The following PIGF variants were observed in gnomAD, a reference collection of about 807,000 sequenced individuals.
PIGF encodes the protein phosphatidylinositol glycan anchor biosynthesis class F, also known as GPI ethanolamine phosphate transferase, stabilizing subunit.
In PIGF, 23 loss-of-function variants were observed where a neutral mutation model predicts 26.0. That is an observed-to-expected ratio of 0.88 (90% CI 0.64 to 1.25). The LOEUF (loss-of-function observed/expected upper bound fraction) is 1.25. Ranked by LOEUF, PIGF falls within the 50% of genes most tolerant of loss-of-function variation. The probability of loss-of-function intolerance (pLI) is 0.00; values close to 1 mark genes in which losing one functional copy is unlikely to be tolerated. For synonymous variants in PIGF, 93 were observed against 92.6 expected (o/e 1.00, Z -0.03); for missense variants, 278 against 249.9 (o/e 1.11, Z -0.76).
chr2:46,610,518 A>G lies in PIGF; in HGVS notation c.437+1710T>C, dbSNP rs138738288. The stretch of plus-strand genomic sequence containing the variant: ...GAAGACGGTTCCAAGGGAAAACAGT[A>G]CTGATTCCTTTTTTTTTTTTTTTTT... On this transcript the variant is annotated intron_variant, in intron 4 of 5. Coordinates refer to ENST00000281382, the MANE Select transcript of PIGF (RefSeq NM_002643.4). 4.6e-3 allele frequency among the ~76,000 whole-genome samples: 673 copies of G among 145,354 alleles called. 4 individuals carry two copies. The highest frequency in any genetic ancestry group is 0.017 in the African/African-American group (651 of 38,816).
At chr2:46,591,148 G>T (rs1215809841) in intron 5 of PIGF, among the ~76,000 whole-genome samples, 19 of 152,086 alleles carry the variant, frequency 1.2e-4, no homozygotes, top group Admixed American at 1.2e-3. Flanking sequence ...AATAGGAAAT[G>T]ACCTAAATGT....
Position 46,612,240 on chromosome 2 carries a change from A to T in PIGF, c.425T>A (p.Phe142Tyr). ...AATTAAAACTTACCCATTTCTACTG[A>T]ACACTCTTAGCCATGCTTTGAGGTT... ...GPNLKAWLRV[F>Y]SRNGVTSIWE... Residue 142 changes from phenylalanine to tyrosine, a missense_variant, in exon 4 of 6, where the codon TTC becomes TAC. By Grantham distance (22) the Phe-to-Tyr change is conservative (BLOSUM62 3). Transcript: ENST00000281382. 8.4e-7 allele frequency: 1 copy of T among 1,195,086 alleles called. No homozygotes were observed. Among genetic ancestry groups the T allele is most frequent in the Non-Finnish European group, 1.1e-6 (1 of 897,932 alleles). 74.0% of individuals were successfully genotyped at this position (1,195,086 alleles called of 1,614,324 possible).
chr2:46,596,725 T>C (rs1429928056), intron 4 of PIGF, among the ~76,000 whole-genome samples: 1 of 152,086 alleles, frequency 6.6e-6, no homozygotes, highest in African/African-American at 2.4e-5. Flanking sequence ...TGCCTTCTTC[T>C]AAGGGAGAAG....
rs929501384 is a variant in PIGF at position 46,601,236 on chromosome 2, G to A, written c.438-8653C>T. Among the ~76,000 whole-genome samples, 4 of 152,154 alleles carry A rather than the reference G, an allele frequency of 2.6e-5. No homozygotes were observed. In the South Asian group the frequency reaches 8.3e-4, roughly 31 times the overall value. ...ATATATGCACAGTCAATAGGGCTCA[G>A]AATAAATAAATGGCTCCCCTGTGAA... On this transcript the variant is annotated intron_variant, in intron 4 of 5. Coordinates refer to ENST00000281382, the MANE Select transcript of PIGF (RefSeq NM_002643.4).
intron 4 of PIGF, among the ~76,000 whole-genome samples, chr2:46,598,594 G>A (rs1669963316): frequency 1.4e-5 from 2 of 141,052 alleles, no homozygotes; most frequent in Admixed American, 1.5e-4. Context: ...TTGCATGTGT[G>A]GCTCAAGACA....
chr2:46,588,990 C>T lies in PIGF; in HGVS notation c.546+3485G>A, dbSNP rs951505780. ...GTCCAAATATTTATTTTGTCAGCAA[C>T]TATAAGCTTTCTCTAGAAGTTGAAA... On this transcript the variant is annotated intron_variant, in intron 5 of 5. Coordinates refer to ENST00000281382, the MANE Select transcript of PIGF (RefSeq NM_002643.4). The surrounding 1 kb of genome is among the most constrained non-coding windows in gnomAD (Gnocchi z 4.1). 6.6e-6 allele frequency among the ~76,000 whole-genome samples: 1 copy of T among 152,058 alleles called. No homozygotes were observed. The highest frequency in any genetic ancestry group is 1.5e-5 in the Non-Finnish European group (1 of 67,944).
chr2:46,608,652 G>A (rs1013980142), intron 4 of PIGF, among the ~76,000 whole-genome samples: 38 of 152,122 alleles, frequency 2.5e-4, no homozygotes, highest in East Asian at 9.6e-4. Context: ...TCCTTGATCC[G>A]TGGGCTACAG....
At chr2:46,584,817 A>G (rs1439981877) in intron 5 of PIGF, among the ~76,000 whole-genome samples, 2 of 152,204 alleles carry the variant, frequency 1.3e-5, no homozygotes, top group African/African-American at 4.8e-5. Context: ...ATTTTTGAAG[A>G]TCAAAATAGA....
At chr2:46,609,184 C>T (rs1670321081) in intron 4 of PIGF, among the ~76,000 whole-genome samples, 1 of 152,244 alleles carries the variant, frequency 6.6e-6, no homozygotes, top group East Asian at 1.9e-4. Context: ...CTTGTTGCTT[C>T]ACCTTGCACT....
rs1360413015 is a variant in PIGF, at chr2:46,588,799, A to G, written c.546+3676T>C. ...AATCTAAATCACAGTTCAAATCTAA[A>G]TTATTAAATAATTAAATTCCAGTCC... is the stretch of plus-strand genomic sequence containing the variant. On this transcript the variant is annotated intron_variant, in intron 5 of 5. Transcript: ENST00000281382. The surrounding 1 kb of genome is among the most constrained non-coding windows in gnomAD (Gnocchi z 4.1). 6.6e-6 allele frequency among the ~76,000 whole-genome samples: 1 copy of G among 152,184 alleles called. No homozygotes were observed. The highest frequency in any genetic ancestry group is 1.5e-5 in the Non-Finnish European group (1 of 68,004).
Position 46,588,009 on chromosome 2 carries a change from C to A in PIGF, c.546+4466G>T. On this transcript the variant is annotated intron_variant, in intron 5 of 5. Transcript: ENST00000281382. The surrounding 1 kb of genome is among the most constrained non-coding windows in gnomAD (Gnocchi z 4.1). ...CTCTTCCCACCTGAGTAATGCTAAG[C>A]AAGATGTGTACTCCTCCCCTCTCAC... The A allele has an allele frequency of 1.5e-6, 2 of 1,357,830 alleles. No homozygotes were observed. 84.1% of individuals were successfully genotyped at this position (1,357,830 alleles called of 1,614,324 possible). A position where few individuals can be genotyped will look rare whatever the true frequency, so the allele number is the denominator to read the frequency against.
intron 4 of PIGF, among the ~76,000 whole-genome samples, chr2:46,602,447 TA>T (rs759855648): frequency 6.6e-6 from 1 of 151,888 alleles, no homozygotes; most frequent in Admixed American, 6.6e-5. Context: ...TTATTTCACT[TA>T]AAAATATTAT....
At chr2:46,611,392 G>A (rs1027576546) in intron 4 of PIGF, among the ~76,000 whole-genome samples, 1 of 151,622 alleles carries the variant, frequency 6.6e-6, no homozygotes, top group Admixed American at 6.6e-5. Flanking sequence ...GCTGAGGCAG[G>A]AGAATCACTT....
chr2:46,599,734 T>C (rs188501139), intron 4 of PIGF, among the ~76,000 whole-genome samples: 130 of 152,312 alleles, frequency 8.5e-4, no homozygotes, highest in Middle Eastern at 3.4e-3. Context: ...CATGGTAAAC[T>C]GTGTGGAGGT....
chr2:46,615,107 T>C lies in PIGF; in HGVS notation c.58A>G (p.Ile20Val), dbSNP rs367833755. 4.5e-5 allele frequency: 71 copies of C among 1,587,750 alleles called. No individual in the cohort carries two copies. Among genetic ancestry groups the C allele is most frequent in the South Asian group, 2.7e-4 (24 of 90,490 alleles). The change falls in exon 2 of 6, where the codon ATT (isoleucine) becomes GTT (valine). Residue 20 changes from isoleucine to valine, a missense_variant. Physicochemically the swap from Ile to Val is conservative, Grantham distance 29. Coordinates refer to ENST00000281382, the MANE Select transcript of PIGF (RefSeq NM_002643.4). ...GATGGAATGAAGACACTTAGGATAA[T>C]TGAAAATATGCATAAAAGATGGGTA... ...LYTHLLCIFS[I>V]ILSVFIPSLF...
intron 4 of PIGF, among the ~76,000 whole-genome samples, chr2:46,594,137 G>GA: frequency 6.6e-6 from 1 of 152,300 alleles, no homozygotes; most frequent in Middle Eastern, 3.4e-3. Context: ...ATGTTGGAAG[G>GA]AAAAACTGGC....
chr2:46,583,393 T>C (rs1187961171), intron 5 of PIGF, among the ~76,000 whole-genome samples: 4 of 152,104 alleles, frequency 2.6e-5, no homozygotes, highest in Non-Finnish European at 5.9e-5. Context: ...ACAGTAATCA[T>C]TGTTGGATGT....
At chr2:46,581,976 G>C (rs1669399387) in intron 5 of PIGF, 1 of 166,160 alleles carries the variant, frequency 6.0e-6, no homozygotes, top group South Asian at 1.4e-4. Context: ...GAAATGAGAA[G>C]TGTGTATGCT....
intron 4 of PIGF, among the ~76,000 whole-genome samples, chr2:46,595,179 TCA>T (rs749941016): frequency 2.0e-5 from 3 of 152,292 alleles, no homozygotes; most frequent in Admixed American, 6.5e-5. Flanking sequence ...TTTAGTATAT[TCA>T]CAGAGTCGTG....
Sources: allele counts gnomAD v4.1 joint callset (sites outside exome capture counted in the v4.1 genomes callset), GRCh38; gene constraint gnomAD v4.1.1; non-coding constraint Gnocchi (gnomAD v3.1); transcripts MANE v1.5; gene names NCBI Gene and HGNC (gene_info 2026-07-23, HGNC 2026-07-21).